PLCG1: variants seen among roughly 807,000 people sequenced by gnomAD.
PLCG1 encodes the protein 1-phosphatidylinositol 4,5-bisphosphate phosphodiesterase gamma-1.
PLCG1 carries 71 observed loss-of-function variants against 177.8 expected under a neutral mutation model. The observed-to-expected ratio is 0.40, with a 90% CI of 0.33 to 0.49. The LOEUF (loss-of-function observed/expected upper bound fraction) is 0.49, where lower values mean the gene tolerates loss of function less well. PLCG1 is among the 20% of genes least tolerant of loss of function. The pLI, the probability that PLCG1 is intolerant of heterozygous loss-of-function variation, is 0.72. For missense variants in PLCG1, 1,281 were observed against 1,709.0 expected (o/e 0.75, Z 4.42); for synonymous variants, 658 against 647.9 (o/e 1.02, Z -0.24).
chr20:41,171,524 T>C (rs911034425), intron 24 of PLCG1, among the ~76,000 whole-genome samples: 10 of 143,506 alleles, frequency 7.0e-5, no homozygotes, highest in African/African-American at 1.8e-4. Context: ...GAGGTGGAGA[T>C]TGCAGTGAGC....
At position 41,166,435 on chromosome 20, in the gene PLCG1, CATGGGTGGT is replaced by C. The variant is rs1260565207; in HGVS notation, c.2001-40_2001-32del. ...GGGGGCGGACAAGGCAGGGCAGGGCCATGGGTGGTGCTGGCCGGGCCTGACTCTGCCTGT... is the reference window on the plus strand; with the variant it reads ...GGGGGCGGACAAGGCAGGGCAGGGCCGCTGGCCGGGCCTGACTCTGCCTGT... On this transcript the variant is annotated intron_variant, in intron 17 of 31. Transcript: ENST00000685551. The surrounding 1 kb of genome is among the most constrained non-coding windows in gnomAD (Gnocchi z 8.6). 1 of 1,613,776 alleles carries C rather than the reference CATGGGTGGT, an allele frequency of 6.2e-7. No homozygotes were observed. Among genetic ancestry groups the C allele is most frequent in the Non-Finnish European group, 8.5e-7 (1 of 1,180,004 alleles).
At chr20:41,142,553 G>C (rs2034863917) in intron 1 of PLCG1, among the ~76,000 whole-genome samples, 1 of 152,174 alleles carries the variant, frequency 6.6e-6, no homozygotes, top group African/African-American at 2.4e-5. Context: ...GCTGAGGCAG[G>C]GTGGGGATGC....
rs1227519052 is a variant in PLCG1 at position 41,153,660 on chromosome 20, G to C, written c.218-5946G>C. Among the ~76,000 whole-genome samples the C allele has an allele frequency of 6.6e-6, 1 of 152,148 alleles. No individual in the cohort carries two copies. The highest frequency in any genetic ancestry group is 2.4e-5 in the African/African-American group (1 of 41,424). ...GCTTCTAATCCCAGCACTTTGGGAG[G>C]CCGAGGCAGGCGAATCACTGGAGGT... On this transcript the variant is annotated intron_variant, in intron 1 of 31. Coordinates refer to ENST00000685551, the MANE Select transcript of PLCG1 (RefSeq NM_002660.3). The surrounding 1 kb of genome is among the most constrained non-coding windows in gnomAD (Gnocchi z 5.1).
chr20:41,161,870 C>T (rs896573092), intron 4 of PLCG1, among the ~76,000 whole-genome samples: 2 of 152,164 alleles, frequency 1.3e-5, no homozygotes, highest in East Asian at 3.9e-4. Flanking sequence ...CAGTTTCTTT[C>T]CTGGAGCCAG....
chr20:41,169,618 C>A, intron 23 of PLCG1, 92 bp downstream of exon 23: 2 of 1,015,832 alleles, frequency 2.0e-6, no homozygotes, highest in Non-Finnish European at 3.1e-6. Context: ...AAGCTGATGG[C>A]TGAACCCCAA....
intron 23 of PLCG1, 100 bp downstream of exon 23, chr20:41,169,626 C>A: frequency 1.1e-6 from 1 of 917,944 alleles, no homozygotes; most frequent in African/African-American, 1.6e-5. Flanking sequence ...GGCTGAACCC[C>A]AAAGTCTGCC....
Position 41,165,332 on chromosome 20 carries a change from A to T in PLCG1, c.1474A>T (p.Asn492Tyr). Residue 492 changes from asparagine to tyrosine, a missense_variant, in exon 14 of 32, where the codon AAT (asparagine) becomes TAT (tyrosine). Transcript: ENST00000685551. The surrounding 1 kb of genome is among the most constrained non-coding windows in gnomAD (Gnocchi z 6.6). Reference protein sequence around the residue: ...SENDISNSIKNGILYLEDPVN... With the variant: ...SENDISNSIKYGILYLEDPVN... ...GAACGACATCAGCAACTCTATCAAG[A>T]ATGGCATCCTCTACCTGGAGGACCC... 6.2e-7 allele frequency: 1 copy of T among 1,614,142 alleles called. No individual in the cohort carries two copies. Among genetic ancestry groups the T allele is most frequent in the Non-Finnish European group, 8.5e-7 (1 of 1,180,018 alleles).
At position 41,165,017 on chromosome 20, in the gene PLCG1, G is replaced by A. The variant is rs368606121; in HGVS notation, c.1302G>A (p.Gly434=). ...CCCAATACTTCAAGAAGGTGCTGGG[G>A]GACACACTCCTCACCAAGCCCGTGG... is the stretch of plus-strand genomic sequence containing the variant. The part of the protein sequence containing the change: ...NMAQYFKKVL[G]DTLLTKPVEI... Residue 434 remains glycine, a synonymous_variant, in exon 13 of 32, where the codon GGG becomes GGA. Transcript: ENST00000685551. The surrounding 1 kb of genome is among the most constrained non-coding windows in gnomAD (Gnocchi z 6.6). 2.9e-5 allele frequency: 47 copies of A among 1,614,160 alleles called. No homozygotes were observed. In the Middle Eastern group the frequency reaches 6.6e-4, roughly 23 times the overall value.
chr20:41,145,548 C>G (rs1429704394), intron 1 of PLCG1, among the ~76,000 whole-genome samples: 1 of 152,222 alleles, frequency 6.6e-6, no homozygotes, highest in Admixed American at 6.5e-5. Flanking sequence ...GTTGTGGCCA[C>G]AGTATCCTCC....
chr20:41,174,329 G>A lies in PLCG1; in HGVS notation c.3833+18G>A. 6.2e-7 allele frequency: 1 copy of A among 1,610,264 alleles called. No homozygotes were observed. Among genetic ancestry groups the A allele is most frequent in the Non-Finnish European group, 8.5e-7 (1 of 1,176,630 alleles). On this transcript the variant is annotated intron_variant, in intron 31 of 31. Coordinates refer to ENST00000685551, the MANE Select transcript of PLCG1 (RefSeq NM_002660.3). This position sits in a 1 kb window ranked among gnomAD's most constrained non-coding sequence, Gnocchi z 5.8. ...GAACGAAGGTGAGGAAGATGGAGGGGTGCTAGAGCCAGGAAGGCAGTGGCT... is the reference window on the plus strand; with the variant it reads ...GAACGAAGGTGAGGAAGATGGAGGGATGCTAGAGCCAGGAAGGCAGTGGCT...
intron 1 of PLCG1, among the ~76,000 whole-genome samples, chr20:41,138,989 C>T (rs889819887): frequency 1.3e-5 from 2 of 152,094 alleles, no homozygotes; most frequent in African/African-American, 4.8e-5. Context: ...GTTAGAGAGA[C>T]CCAGGCTCAG....
chr20:41,161,286 A>G (rs1433951906), intron 4 of PLCG1, among the ~76,000 whole-genome samples: 1 of 152,198 alleles, frequency 6.6e-6, no homozygotes, highest in Non-Finnish European at 1.5e-5. Context: ...TAACATGGTG[A>G]GAAGAGCGGT....
In PLCG1 at chr20:41,163,198, T is replaced by C. The variant is rs2035570586; in HGVS notation, c.717-5T>C. On this transcript the variant is annotated splice_region_variant and splice_polypyrimidine_tract_variant and intron_variant, in intron 7 of 31. Coordinates refer to ENST00000685551, the MANE Select transcript of PLCG1 (RefSeq NM_002660.3). This position sits in a 1 kb window ranked among gnomAD's most constrained non-coding sequence, Gnocchi z 5.2. ...TACTAGCTAGCTTACCTTCTCTCCC[T>C]GCAGGGCTGGGGAGCGGCCGGAGCT... 6.5e-7 allele frequency: 1 copy of C among 1,544,606 alleles called. No homozygotes were observed. Among genetic ancestry groups the C allele is most frequent in the African/African-American group, 1.4e-5 (1 of 72,630 alleles).
chr20:41,162,885 C>G, intron 6 of PLCG1, 73 bp from the exon 7 acceptor site: 2 of 1,466,446 alleles, frequency 1.4e-6, no homozygotes, highest in Non-Finnish European at 1.9e-6. Flanking sequence ...CTGCTCTAGC[C>G]TGCCTTCTTA....
chr20:41,166,452 G>A lies in PLCG1; in HGVS notation c.2001-24G>A, dbSNP rs756399994. The A allele has an allele frequency of 3.0e-5, 48 of 1,613,780 alleles. No individual in the cohort carries two copies. Among genetic ancestry groups the A allele is most frequent in the Middle Eastern group, 1.6e-4 (1 of 6,084 alleles). On this transcript the variant is annotated intron_variant, in intron 17 of 31. Coordinates refer to ENST00000685551, the MANE Select transcript of PLCG1 (RefSeq NM_002660.3). This position sits in a 1 kb window ranked among gnomAD's most constrained non-coding sequence, Gnocchi z 8.6. ...GGCAGGGCCATGGGTGGTGCTGGCC[G>A]GGCCTGACTCTGCCTGTTCTCAGGT...
Position 41,159,771 on chromosome 20 carries a change from G to A in PLCG1, c.370+13G>A. 2 of 1,614,186 alleles carry A rather than the reference G, an allele frequency of 1.2e-6. No homozygotes were observed. Among genetic ancestry groups the A allele is most frequent in the Non-Finnish European group, 1.7e-6 (2 of 1,180,022 alleles). On this transcript the variant is annotated intron_variant, in intron 2 of 31. Transcript: ENST00000685551. The surrounding 1 kb of genome is among the most constrained non-coding windows in gnomAD (Gnocchi z 6.0). ...CTGAGCCTGCAAGGTGGGAGTTAAG[G>A]GGGTAGAGGAGGTAGAGGATAGTTA... is the stretch of plus-strand genomic sequence containing the variant.
Position 41,151,790 on chromosome 20 carries a change from C to T in PLCG1, c.218-7816C>T, listed in dbSNP as rs1466162801. ...ATCAGGCTTCCTTCCCACCTGTGTCCAGGTCCTATCTTTGTCTCTTCTTTG... is the reference window on the plus strand; with the variant it reads ...ATCAGGCTTCCTTCCCACCTGTGTCTAGGTCCTATCTTTGTCTCTTCTTTG... On this transcript the variant is annotated intron_variant, in intron 1 of 31. Coordinates refer to ENST00000685551, the MANE Select transcript of PLCG1 (RefSeq NM_002660.3). This position sits in a 1 kb window ranked among gnomAD's most constrained non-coding sequence, Gnocchi z 5.5. 6.6e-6 allele frequency among the ~76,000 whole-genome samples: 1 copy of T among 152,202 alleles called. No homozygotes were observed. Among genetic ancestry groups the T allele is most frequent in the East Asian group, 1.9e-4 (1 of 5,196 alleles).
rs901732826 is a variant in PLCG1, at chr20:41,151,050, C to G, written c.218-8556C>G. Among the ~76,000 whole-genome samples the G allele has an allele frequency of 6.6e-6, 1 of 152,198 alleles. No individual in the cohort carries two copies. Among genetic ancestry groups the G allele is most frequent in the African/African-American group, 2.4e-5 (1 of 41,438 alleles). On this transcript the variant is annotated intron_variant, in intron 1 of 31. Coordinates refer to ENST00000685551, the MANE Select transcript of PLCG1 (RefSeq NM_002660.3). The surrounding 1 kb of genome is among the most constrained non-coding windows in gnomAD (Gnocchi z 5.5). The stretch of plus-strand genomic sequence containing the variant: ...TGATGGAATGAATGACTGCATAAGC[C>G]GAATAGATCACTGCTGAGTGCTCTT...
rs1417294371 is a variant in PLCG1 at position 41,146,928 on chromosome 20, T to C, written c.217+9070T>C. ...AGTGAAGGAGAGCTCCAGTTGGCCA[T>C]AGGTCCCACAGGTTTCTCAGCTTAC... On this transcript the variant is annotated intron_variant, in intron 1 of 31. Transcript: ENST00000685551. This position sits in a 1 kb window ranked among gnomAD's most constrained non-coding sequence, Gnocchi z 6.3. Among the ~76,000 whole-genome samples the C allele has an allele frequency of 6.6e-6, 1 of 152,104 alleles. No homozygotes were observed. The highest frequency in any genetic ancestry group is 1.9e-4 in the East Asian group (1 of 5,192).
Sources: allele counts gnomAD v4.1 joint callset (sites outside exome capture counted in the v4.1 genomes callset), GRCh38; gene constraint gnomAD v4.1.1; non-coding constraint Gnocchi (gnomAD v3.1); transcripts MANE v1.5; gene names NCBI Gene and HGNC (gene_info 2026-07-23, HGNC 2026-07-21).